Variants in N4BP2L2 observed in about 807,000 individuals in gnomAD.
The protein encoded by N4BP2L2 is NEDD4 binding protein 2 like 2.
In N4BP2L2, 50 loss-of-function variants were observed where a neutral mutation model predicts 56.2. The observed-to-expected ratio is 0.89, with a 90% confidence interval of 0.71 to 1.13. The LOEUF (loss-of-function observed/expected upper bound fraction) is 1.13, where lower values mean the gene tolerates loss of function less well. Ranked by LOEUF, N4BP2L2 falls within the 50% of genes most tolerant of loss-of-function variation. N4BP2L2 has a pLI of 0.00. For missense variants in N4BP2L2, 689 were observed against 693.8 expected, an observed-to-expected ratio of 0.99 and a Z score of 0.08; for synonymous variants, 203 against 223.6, an observed-to-expected ratio of 0.91 and a Z score of 0.82.
At chr13:32,514,794 A>C (rs2048846878) in exon 6 of N4BP2L2, 1 of 152,224 alleles carries the variant, frequency 6.6e-6, no homozygotes, top group African/African-American at 2.4e-5. Flanking sequence ...GTTTTTAATT[A>C]AAATTAGCCA....
chr13:32,433,708 C>T (rs1044752476), intron 9 of N4BP2L2, among the ~76,000 whole-genome samples: 10 of 151,016 alleles, frequency 6.6e-5, no homozygotes, highest in Admixed American at 3.3e-4. Context: ...AGGTGAATCA[C>T]GAGGTTAGGA....
At chr13:32,536,760 T>C (rs1299439423) in exon 2 of N4BP2L2, 4 of 1,614,188 alleles carry the variant, frequency 2.5e-6, no homozygotes, top group Non-Finnish European at 3.4e-6. Context: ...ACATCTGGTC[T>C]ATTACCAGGC....
exon 6 of N4BP2L2, chr13:32,512,349 A>G (rs2048314009): frequency 6.6e-6 from 1 of 152,210 alleles, no homozygotes; most frequent in Admixed American, 6.5e-5. Context: ...TGCTAATGCA[A>G]TTGTGTCTAG....
exon 6 of N4BP2L2, chr13:32,515,862 C>G (rs866843742): frequency 1.3e-5 from 2 of 152,150 alleles, no homozygotes; most frequent in Non-Finnish European, 2.9e-5. Context: ...CTCAGCCTCC[C>G]AAGTAGCTGG....
intron 6 of N4BP2L2, among the ~76,000 whole-genome samples, chr13:32,450,870 T>TTCTCTCTC (rs534768522): frequency 1.4e-3 from 82 of 59,960 alleles, no homozygotes; most frequent in African/African-American, 4.6e-3. Flanking sequence ...CCCCATCCCC[T>TTCTCTCTC]TCTCTCTCTC....
chr13:32,442,589 A>G, exon 7 of N4BP2L2: 5 of 1,613,986 alleles, frequency 3.1e-6, no homozygotes, highest in Non-Finnish European at 4.2e-6. Context: ...ACTCCCAAAG[A>G]GCACGAAGTA....
intron 6 of N4BP2L2, among the ~76,000 whole-genome samples, chr13:32,495,274 C>A (rs935757500): frequency 6.6e-6 from 1 of 152,136 alleles, no homozygotes; most frequent in Admixed American, 6.5e-5. Flanking sequence ...TGTCCTGAGC[C>A]ACTGCCTAAT....
Position 32,522,277 on chromosome 13 carries a change from T to TA in N4BP2L2, c.1385-8dup. 1 of 1,474,336 alleles carries TA rather than the reference T, an allele frequency of 6.8e-7. No homozygotes were observed. The highest frequency in any genetic ancestry group is 9.1e-7 in the Non-Finnish European group (1 of 1,094,560). 91.3% of individuals were successfully genotyped at this position (1,474,336 alleles called of 1,614,324 possible). ...TGATCGATAGCTTGTTTTGCTGAAA[T>TA]AAAATATAAATTTAAAAATAAAAAA... On this transcript the variant is annotated splice_region_variant and splice_polypyrimidine_tract_variant and intron_variant, in intron 3 of 5. Transcript: ENST00000267068.
chr13:32,490,122 CCTA>C (rs2086728142), intron 6 of N4BP2L2: 1 of 152,170 alleles, frequency 6.6e-6, no homozygotes, highest in Non-Finnish European at 1.5e-5. Flanking sequence ...TCCTCCTCCT[CCTA>C]CTTTTTCTCC....
intron 6 of N4BP2L2, among the ~76,000 whole-genome samples, chr13:32,461,216 G>T (rs900455253): frequency 6.6e-6 from 1 of 152,166 alleles, no homozygotes; most frequent in Admixed American, 6.5e-5. Context: ...AAGAATTTAT[G>T]GCTAAGACCT....
At chr13:32,462,858 T>C (rs796859560) in intron 6 of N4BP2L2, among the ~76,000 whole-genome samples, 4 of 89,040 alleles carry the variant, frequency 4.5e-5, no homozygotes, top group African/African-American at 1.3e-4. Flanking sequence ...ACCCTGTCTT[T>C]ACTAAAAAAA....
At chr13:32,526,152 TACAGCA>T (rs1228450911) in intron 3 of N4BP2L2, among the ~76,000 whole-genome samples, 1 of 151,926 alleles carries the variant, frequency 6.6e-6, no homozygotes, top group East Asian at 1.9e-4. Flanking sequence ...AATAGACAAC[TACAGCA>T]TGTGGAACTT....
chr13:32,442,247 A>G (rs1176383775), intron 7 of N4BP2L2: 2 of 732,006 alleles, frequency 2.7e-6, no homozygotes, highest in Non-Finnish European at 4.3e-6. Context: ...ACCGTTTGCT[A>G]TGGATCCTCA....
chr13:32,523,345 T>TCACGCC (rs1487524548), intron 3 of N4BP2L2: 1 of 140,640 alleles, frequency 7.1e-6, no homozygotes, highest in African/African-American at 2.7e-5. Flanking sequence ...TGAGCCAAGA[T>TCACGCC]GACGCCGCAG....
intron 7 of N4BP2L2, among the ~76,000 whole-genome samples, chr13:32,440,911 T>G: frequency 6.8e-6 from 1 of 147,706 alleles, no homozygotes; most frequent in Admixed American, 7.0e-5. Context: ...AGTGCAGTGG[T>G]GTGATCTCGG....
chr13:32,536,987 C>T, exon 2 of N4BP2L2: 1 of 1,597,740 alleles, frequency 6.3e-7, no homozygotes, highest in East Asian at 2.2e-5. Flanking sequence ...TACTTCTTCT[C>T]TAGGTCCCAA....
At chr13:32,473,675 T>C (rs948586579) in intron 6 of N4BP2L2, among the ~76,000 whole-genome samples, 1 of 152,238 alleles carries the variant, frequency 6.6e-6, no homozygotes. Context: ...TTCCAGTCTC[T>C]TTTCCAGAGG....
At chr13:32,483,919 G>A (rs2085296203) in intron 6 of N4BP2L2, among the ~76,000 whole-genome samples, 2 of 151,342 alleles carry the variant, frequency 1.3e-5, no homozygotes. Context: ...TGGAGGCAGA[G>A]GTTGCAGTGA....
chr13:32,487,910 G>A (rs2086240745), intron 6 of N4BP2L2, among the ~76,000 whole-genome samples: 1 of 151,668 alleles, frequency 6.6e-6, no homozygotes, highest in South Asian at 2.1e-4. Context: ...CCAGGCTGGA[G>A]GGCAACAGTG....
Sources: allele counts gnomAD v4.1 joint callset (sites outside exome capture counted in the v4.1 genomes callset), GRCh38; gene constraint gnomAD v4.1.1; transcripts MANE v1.5; gene names NCBI Gene and HGNC (gene_info 2026-07-23, HGNC 2026-07-21).